Variants in MYO10 observed in about 807,000 individuals in gnomAD.
MYO10 encodes the protein myosin X.
In MYO10, 133 loss-of-function variants were observed where a neutral mutation model predicts 257.3. The ratio of observed to expected loss-of-function variants is 0.52; its 90% CI spans 0.45 to 0.60. MYO10 has a LOEUF of 0.60. Ranked by LOEUF, MYO10 falls within the 20% of genes least tolerant of loss-of-function variation. The pLI is 0.00. For synonymous variants in MYO10, 1,104 were observed against 1,028.6 expected (o/e 1.07, Z -1.40); for missense variants, 2,399 against 2,635.7 (o/e 0.91, Z 1.97).
intron 9 of MYO10, 105 bp from the exon 10 acceptor site, chr5:16,769,308 A>G (rs577844399): frequency 2.2e-5 from 28 of 1,249,462 alleles, no homozygotes; most frequent in South Asian, 1.2e-4. Flanking sequence ...TGAAAAGGCA[A>G]AGAAACAAAA....
At position 16,673,773 on chromosome 5, in the gene MYO10, A is replaced by T. The variant is rs769512428; in HGVS notation, c.5081T>A (p.Leu1694Gln). The change falls in exon 36 of 41, where the codon CTG becomes CAG. Residue 1694 changes from leucine (L) to glutamine (Q), a missense_variant. Around this residue, in one of 3 missense-constraint regions of MYO10, gnomAD observed 1,820 missense variants for 1,939.4 expected, o/e 0.94. Coordinates refer to ENST00000513610, the MANE Select transcript of MYO10 (RefSeq NM_012334.3). The part of the protein sequence containing the change: ...FVPSRDEIEA[L>Q]IHRQEMTSTV... Reference sequence around the variant, plus strand: ...GGATGTCATTTCCTGCCTGTGGATCAGAGCTTCTATTTCATCTCGGGAAGG... The same window carrying T: ...GGATGTCATTTCCTGCCTGTGGATCTGAGCTTCTATTTCATCTCGGGAAGG... 1.2e-6 allele frequency: 2 copies of T among 1,614,044 alleles called. No homozygotes were observed. Among genetic ancestry groups the T allele is most frequent in the South Asian group, 2.2e-5 (2 of 91,084 alleles).
chr5:16,862,696 G>A (rs1744140525), intron 2 of MYO10, among the ~76,000 whole-genome samples: 2 of 152,162 alleles, frequency 1.3e-5, no homozygotes, highest in Admixed American at 1.3e-4. Flanking sequence ...TTAGCATCCA[G>A]TATTAATTAG....
chr5:16,814,132 C>G (rs1742526452), intron 3 of MYO10, among the ~76,000 whole-genome samples: 1 of 152,144 alleles, frequency 6.6e-6, no homozygotes, highest in Non-Finnish European at 1.5e-5. Context: ...ACCTACAGAA[C>G]TGTAATCTTC....
chr5:16,741,715 C>A, intron 19 of MYO10: 1 of 855,580 alleles, frequency 1.2e-6, no homozygotes, highest in Non-Finnish European at 1.4e-6. Context: ...ATCTGTTCCC[C>A]GTGTATGATC....
chr5:16,831,886 A>T (rs1743173003), intron 2 of MYO10, among the ~76,000 whole-genome samples: 1 of 152,178 alleles, frequency 6.6e-6, no homozygotes, highest in Non-Finnish European at 1.5e-5. Flanking sequence ...AAAAAAATTT[A>T]TATATATCAG....
At chr5:16,718,336 G>A (rs544735281) in intron 19 of MYO10, among the ~76,000 whole-genome samples, 7 of 152,376 alleles carry the variant, frequency 4.6e-5, no homozygotes, top group Non-Finnish European at 8.8e-5. Context: ...TAAGGAATGC[G>A]AGCGCACGGC....
At chr5:16,802,077 T>C (rs1201102235) in intron 3 of MYO10, among the ~76,000 whole-genome samples, 1 of 152,168 alleles carries the variant, frequency 6.6e-6, no homozygotes, top group Non-Finnish European at 1.5e-5. Flanking sequence ...TCCAGAATAC[T>C]CAAATTGATA....
At chr5:16,810,655 G>T (rs773914133) in intron 3 of MYO10, among the ~76,000 whole-genome samples, 1 of 152,152 alleles carries the variant, frequency 6.6e-6, no homozygotes, top group African/African-American at 2.4e-5. Flanking sequence ...TTAGCCAGGC[G>T]TGGTGGTGCG....
At chr5:16,927,290 G>A (rs1208351244) in intron 1 of MYO10, among the ~76,000 whole-genome samples, 1 of 151,994 alleles carries the variant, frequency 6.6e-6, no homozygotes, top group Non-Finnish European at 1.5e-5. Context: ...GCTTCTTTGT[G>A]TCTTCTGCTT....
intron 11 of MYO10, among the ~76,000 whole-genome samples, chr5:16,764,944 C>T (rs1444383847): frequency 6.6e-6 from 1 of 152,158 alleles, no homozygotes; most frequent in African/African-American, 2.4e-5. Flanking sequence ...CCGCCTCAGC[C>T]TCTCAAAGTG....
chr5:16,750,406 T>G (rs3893116), intron 19 of MYO10, among the ~76,000 whole-genome samples: 4,381 of 144,904 alleles, frequency 0.03, 208 homozygotes, highest in East Asian at 0.15. Flanking sequence ...AAACCCAAAT[T>G]AAAAAAAAAA....
intron 19 of MYO10, among the ~76,000 whole-genome samples, chr5:16,737,841 C>T (rs1739867090): frequency 1.3e-5 from 2 of 152,138 alleles, no homozygotes; most frequent in African/African-American, 4.8e-5. Flanking sequence ...ATAACCTGTC[C>T]AGCTCAAAAT....
At chr5:16,851,450 C>T (rs540547316) in intron 2 of MYO10, among the ~76,000 whole-genome samples, 1 of 152,086 alleles carries the variant, frequency 6.6e-6, no homozygotes, top group Non-Finnish European at 1.5e-5. Flanking sequence ...CTTTAAAACT[C>T]GGAAACTTGG....
chr5:16,801,451 G>T (rs1385659966), intron 3 of MYO10, among the ~76,000 whole-genome samples: 3 of 151,914 alleles, frequency 2.0e-5, no homozygotes, highest in African/African-American at 7.3e-5. Flanking sequence ...GCTTCATCTG[G>T]CCTGCTTGCA....
At chr5:16,843,274 C>T (rs1305883781) in intron 2 of MYO10, among the ~76,000 whole-genome samples, 1 of 152,204 alleles carries the variant, frequency 6.6e-6, no homozygotes, top group Non-Finnish European at 1.5e-5. Context: ...ATGACCTAAT[C>T]TAACATTTTT....
chr5:16,708,217 T>C (rs1738431974), intron 21 of MYO10, among the ~76,000 whole-genome samples: 1 of 152,242 alleles, frequency 6.6e-6, no homozygotes, highest in Non-Finnish European at 1.5e-5. Flanking sequence ...TTCTTCATCT[T>C]GAATACTTCC....
chr5:16,855,342 C>T (rs1580078388), intron 2 of MYO10, among the ~76,000 whole-genome samples: 1 of 152,116 alleles, frequency 6.6e-6, no homozygotes, highest in Admixed American at 6.5e-5. Flanking sequence ...GGAGTGGATG[C>T]TGAAGTCTAC....
chr5:16,666,756 C>CTGA lies in MYO10; in HGVS notation c.6110_6112dup (p.Ile2037dup). The CTGA allele has an allele frequency of 1.2e-6, 2 of 1,607,634 alleles. No homozygotes were observed. The highest frequency in any genetic ancestry group is 1.7e-6 in the Non-Finnish European group (2 of 1,178,268). On this transcript the variant is annotated inframe_insertion, in exon 41 of 41. Transcript: ENST00000513610. ...GCTGTAGCGCTTCTTCACGATCATGCTGATGTAGGCTTTCATGAGCTTGGC... is the reference window on the plus strand; with the variant it reads ...GCTGTAGCGCTTCTTCACGATCATGCTGATGATGTAGGCTTTCATGAGCTTGGC...
chr5:16,872,784 C>T (rs577581568), intron 2 of MYO10, among the ~76,000 whole-genome samples: 1 of 152,224 alleles, frequency 6.6e-6, no homozygotes, highest in Non-Finnish European at 1.5e-5. Context: ...GAAGCAAAAG[C>T]AGAAACCCCT....
Sources: gnomAD v4.1 joint callset for allele counts (sites outside exome capture counted in the v4.1 genomes callset) on GRCh38, gnomAD v4.1.1 for gene constraint, gnomAD v4.1.1 regional missense constraint, MANE v1.5 for transcripts, NCBI Gene and HGNC (gene_info 2026-07-23, HGNC 2026-07-21) for gene names.